OR2G6: variants seen among roughly 807,000 people sequenced by gnomAD.
The protein encoded by OR2G6 is olfactory receptor 2G6.
For synonymous variants in OR2G6, 183 were observed against 155.2 expected (o/e 1.18, Z -1.33); for missense variants, 457 against 391.3 (o/e 1.17, Z -1.42).
In OR2G6 at chr1:248,524,507, C is replaced by T. The variant is rs546602076; in HGVS notation, c.*1910C>T. 1 of 152,298 alleles carries T rather than the reference C, an allele frequency of 6.6e-6. No individual in the cohort carries two copies. Among genetic ancestry groups the T allele is most frequent in the African/African-American group, 2.4e-5 (1 of 41,564 alleles). The allele number at this position is 152,298 out of a possible 1,614,324, so 9.4% of individuals were successfully genotyped here. A position where few individuals can be genotyped will look rare whatever the true frequency, so the allele number is the denominator to read the frequency against. On this transcript the variant is annotated 3_prime_UTR_variant, in exon 2 of 2. Transcript: ENST00000641804. Reference sequence around the variant, plus strand: ...TGTACAAATGCATTATTCCTGATAACCCGAGCAACACAGCATAGGAAAGAA... The same window carrying T: ...TGTACAAATGCATTATTCCTGATAATCCGAGCAACACAGCATAGGAAAGAA...
Position 248,521,597 on chromosome 1 carries a change from T to A in OR2G6, c.-36-14T>A. 7.6e-7 allele frequency: 1 copy of A among 1,321,476 alleles called. No homozygotes were observed. Among genetic ancestry groups the A allele is most frequent in the Non-Finnish European group, 1.1e-6 (1 of 938,514 alleles). The allele number at this position is 1,321,476 out of a possible 1,614,324, so 81.9% of individuals were successfully genotyped here. On this transcript the variant is annotated splice_polypyrimidine_tract_variant and intron_variant, in intron 1 of 1. Coordinates refer to ENST00000641804, the MANE Select transcript of OR2G6 (RefSeq NM_001013355.2). ...GACCTCATTACTTTCTATCCCCAAA[T>A]ATTAATCACTTAGTATTTGAAGCTG... is the stretch of plus-strand genomic sequence containing the variant.
At position 248,521,994 on chromosome 1, in the gene OR2G6, C is replaced by A. The variant is rs376681900; in HGVS notation, c.348C>A (p.Ala116=). Residue 116 remains alanine (A), a synonymous_variant, in exon 2 of 2, where the codon GCC becomes GCA. Coordinates refer to ENST00000641804, the MANE Select transcript of OR2G6 (RefSeq NM_001013355.2). ...GCTCGTCTGAGTGTATTCTCTTGGCCGTCATGGCTTATGACCGCTATGCTG... is the reference window on the plus strand; with the variant it reads ...GCTCGTCTGAGTGTATTCTCTTGGCAGTCATGGCTTATGACCGCTATGCTG... ...GLGSSECILL[A]VMAYDRYAAV... The A allele has an allele frequency of 5.4e-5, 87 of 1,614,016 alleles. No homozygotes were observed. The highest frequency in any genetic ancestry group is 6.9e-5 in the Non-Finnish European group (82 of 1,180,016).
In OR2G6 at chr1:248,524,591, G is replaced by A. The variant is rs1343261211; in HGVS notation, c.*1994G>A. 1 of 152,196 alleles carries A rather than the reference G, an allele frequency of 6.6e-6. No individual in the cohort carries two copies. The highest frequency in any genetic ancestry group is 1.5e-5 in the Non-Finnish European group (1 of 68,038). The allele number at this position is 152,196 out of a possible 1,614,324, so 9.4% of individuals were successfully genotyped here. On this transcript the variant is annotated 3_prime_UTR_variant, in exon 2 of 2. Coordinates refer to ENST00000641804, the MANE Select transcript of OR2G6 (RefSeq NM_001013355.2). Reference sequence around the variant, plus strand: ...GGAATATGGCCCCAGGGCAAAAGATGTGGCATTTAAAGGAAAGAAATAGCT... The same window carrying A: ...GGAATATGGCCCCAGGGCAAAAGATATGGCATTTAAAGGAAAGAAATAGCT...
At chr1:248,508,857 A>AG (rs1558369946) in intron 1 of OR2G6, among the ~76,000 whole-genome samples, 1 of 114,336 alleles carries the variant, frequency 8.7e-6, no homozygotes, top group Non-Finnish European at 1.7e-5. Flanking sequence ...TTTAAAAACA[A>AG]GGGAAGGAAA....
chr1:248,520,747 G>A (rs573968601), intron 1 of OR2G6, among the ~76,000 whole-genome samples: 177 of 151,892 alleles, frequency 1.2e-3, no homozygotes, highest in African/African-American at 3.7e-3. Context: ...AGTGGCTCAC[G>A]CCTATAATCC....
In OR2G6 at chr1:248,522,596, AGGAAACACCTGGAATTCTAAACAAG is replaced by A. The variant is rs1258903719; in HGVS notation, c.*10_*34del. 6 of 1,590,540 alleles carry A rather than the reference AGGAAACACCTGGAATTCTAAACAAG, an allele frequency of 3.8e-6. No individual in the cohort carries two copies. Among genetic ancestry groups the A allele is most frequent in the African/African-American group, 1.4e-5 (1 of 73,710 alleles). On this transcript the variant is annotated stop_retained_variant and 3_prime_UTR_variant, in exon 2 of 2. Coordinates refer to ENST00000641804, the MANE Select transcript of OR2G6 (RefSeq NM_001013355.2). Reference sequence around the variant, plus strand: ...GCTGCTGGACAAAGCCACAAGGACTAGGAAACACCTGGAATTCTAAACAAGGGAAACACCTCAAGGCAGAGTGAGG... The same window carrying A: ...GCTGCTGGACAAAGCCACAAGGACTAGGAAACACCTCAAGGCAGAGTGAGG...
Position 248,522,605 on chromosome 1 carries a change from C to G in OR2G6, c.*8C>G. ...CAAAGCCACAAGGACTAGGAAACAC[C>G]TGGAATTCTAAACAAGGGAAACACC... On this transcript the variant is annotated 3_prime_UTR_variant, in exon 2 of 2. Coordinates refer to ENST00000641804, the MANE Select transcript of OR2G6 (RefSeq NM_001013355.2). 6.4e-7 allele frequency: 1 copy of G among 1,574,598 alleles called. No individual in the cohort carries two copies. The highest frequency in any genetic ancestry group is 8.6e-7 in the Non-Finnish European group (1 of 1,158,400).
At chr1:248,521,113 C>G (rs1558371656) in intron 1 of OR2G6, among the ~76,000 whole-genome samples, 1 of 148,964 alleles carries the variant, frequency 6.7e-6, no homozygotes, top group East Asian at 2.0e-4. Flanking sequence ...GTCTCAGCTA[C>G]TCTTGAGGCT....
intron 1 of OR2G6, among the ~76,000 whole-genome samples, chr1:248,520,092 C>T (rs1361270420): frequency 2.0e-5 from 3 of 152,144 alleles, no homozygotes; most frequent in Non-Finnish European, 4.4e-5. Context: ...TACTATGCAG[C>T]CATAGAAAAG....
Position 248,521,641 on chromosome 1 carries a change from G to T in OR2G6, c.-6G>T, listed in dbSNP as rs374004355. 10 of 1,606,428 alleles carry T rather than the reference G, an allele frequency of 6.2e-6. No individual in the cohort carries two copies. Among genetic ancestry groups the T allele is most frequent in the Admixed American group, 1.7e-5 (1 of 59,312 alleles). On this transcript the variant is annotated 5_prime_UTR_variant, in exon 2 of 2. It adds an upstream start codon to the 5' untranslated region. Transcript: ENST00000641804. ...GAAGCTGAAGAGTCCTGAAGCTGCA[G>T]GAAAAATGGAGGAAACCAACAACAG...
rs1215136529 is a variant in OR2G6, at chr1:248,522,602, C to T, written c.*5C>T. 19 of 1,579,326 alleles carry T rather than the reference C, an allele frequency of 1.2e-5. No homozygotes were observed. The highest frequency in any genetic ancestry group is 1.5e-5 in the Non-Finnish European group (18 of 1,161,400). ...GGACAAAGCCACAAGGACTAGGAAA[C>T]ACCTGGAATTCTAAACAAGGGAAAC... On this transcript the variant is annotated 3_prime_UTR_variant, in exon 2 of 2. Transcript: ENST00000641804.
chr1:248,521,795 G>T lies in OR2G6; in HGVS notation c.149G>T (p.Cys50Phe), dbSNP rs373197039. 3.7e-6 allele frequency: 6 copies of T among 1,614,050 alleles called. No individual in the cohort carries two copies. In the Admixed American group the frequency reaches 1.0e-4, roughly 27 times the overall value. The part of the protein sequence containing the change: ...LGNTALILVC[C>F]LDSRLHTPMY... ...AACACTGCCCTCATACTAGTATGTT[G>T]TCTGGACTCCAGACTCCACACTCCA... Residue 50 changes from cysteine to phenylalanine, a missense_variant, in exon 2 of 2, where the codon TGT becomes TTT. By Grantham distance (205) the Cys-to-Phe change is radical. Transcript: ENST00000641804.
Position 248,524,637 on chromosome 1 carries a change from G to C in OR2G6, c.*2040G>C, listed in dbSNP as rs745975126. 10 of 152,152 alleles carry C rather than the reference G, an allele frequency of 6.6e-5. No individual in the cohort carries two copies. Among genetic ancestry groups the C allele is most frequent in the Admixed American group, 1.3e-4 (2 of 15,272 alleles). The allele number at this position is 152,152 out of a possible 1,614,324, so 9.4% of individuals were successfully genotyped here. A position where few individuals can be genotyped will look rare whatever the true frequency, so the allele number is the denominator to read the frequency against. On this transcript the variant is annotated 3_prime_UTR_variant, in exon 2 of 2. Transcript: ENST00000641804. ...TAGCTCCAGGTGAAAAGACAACCAT[G>C]TGTAAAGCAATGATATGAACACAAT...
intron 1 of OR2G6, among the ~76,000 whole-genome samples, chr1:248,521,231 TATATTTGTATAC>T (rs1168605548): frequency 6.6e-6 from 1 of 151,854 alleles, no homozygotes; most frequent in East Asian, 1.9e-4. Flanking sequence ...AAAAAATATA[TATATTTGTATAC>T]ATATAACAAA....
At position 248,525,227 on chromosome 1, in the gene OR2G6, T is replaced by G. The variant is rs1032123295; in HGVS notation, c.*2630T>G. 3.3e-5 allele frequency: 5 copies of G among 152,158 alleles called. No homozygotes were observed. The highest frequency in any genetic ancestry group is 1.2e-4 in the African/African-American group (5 of 41,438). The allele number at this position is 152,158 out of a possible 1,614,324, so 9.4% of individuals were successfully genotyped here. On this transcript the variant is annotated 3_prime_UTR_variant, in exon 2 of 2. Coordinates refer to ENST00000641804, the MANE Select transcript of OR2G6 (RefSeq NM_001013355.2). ...ATAATTATGTACTTATAATGTATTT[T>G]ATAAATACAATTAGTAAATCTAAAA...
intron 1 of OR2G6, among the ~76,000 whole-genome samples, chr1:248,520,509 A>C (rs1664261170): frequency 6.6e-6 from 1 of 151,954 alleles, no homozygotes; most frequent in African/African-American, 2.4e-5. Context: ...TCATTTTACA[A>C]ATTCTCCCTT....
chr1:248,524,126 A>G lies in OR2G6; in HGVS notation c.*1529A>G, dbSNP rs1388789960. The G allele has an allele frequency of 6.6e-6, 1 of 152,122 alleles. No homozygotes were observed. The highest frequency in any genetic ancestry group is 1.5e-5 in the Non-Finnish European group (1 of 68,046). The allele number at this position is 152,122 out of a possible 1,614,324, so 9.4% of individuals were successfully genotyped here. A position where few individuals can be genotyped will look rare whatever the true frequency, so the allele number is the denominator to read the frequency against. ...TGTAGCCTGTCTACGAATGTTAAGG[A>G]TAACGTTTGGACCTGCCTCTCCTAC... On this transcript the variant is annotated 3_prime_UTR_variant, in exon 2 of 2. Coordinates refer to ENST00000641804, the MANE Select transcript of OR2G6 (RefSeq NM_001013355.2).
Position 248,524,131 on chromosome 1 carries a change from G to T in OR2G6, c.*1534G>T, listed in dbSNP as rs933573705. The T allele has an allele frequency of 6.6e-6, 1 of 152,104 alleles. No individual in the cohort carries two copies. The highest frequency in any genetic ancestry group is 1.5e-5 in the Non-Finnish European group (1 of 68,050). The allele number at this position is 152,104 out of a possible 1,614,324, so 9.4% of individuals were successfully genotyped here. On this transcript the variant is annotated 3_prime_UTR_variant, in exon 2 of 2. Transcript: ENST00000641804. Reference sequence around the variant, plus strand: ...CCTGTCTACGAATGTTAAGGATAACGTTTGGACCTGCCTCTCCTACCAAAG... The same window carrying T: ...CCTGTCTACGAATGTTAAGGATAACTTTTGGACCTGCCTCTCCTACCAAAG...
rs1164830374 is a variant in OR2G6, at chr1:248,522,066, C to T, written c.420C>T (p.Phe140=). The T allele has an allele frequency of 6.2e-7, 1 of 1,614,180 alleles. No homozygotes were observed. Among genetic ancestry groups the T allele is most frequent in the Admixed American group, 1.7e-5 (1 of 60,018 alleles). ...LRYIAIMHPR[F]CASLAGGAWL... ...ACATAGCCATTATGCACCCCAGGTT[C>T]TGTGCGTCTCTGGCCGGTGGAGCAT... is the stretch of plus-strand genomic sequence containing the variant. The change falls in exon 2 of 2, where the codon TTC becomes TTT. Residue 140 remains phenylalanine (F), a synonymous_variant. Coordinates refer to ENST00000641804, the MANE Select transcript of OR2G6 (RefSeq NM_001013355.2).
Sources: gnomAD v4.1 joint callset for allele counts (sites outside exome capture counted in the v4.1 genomes callset) on GRCh38, gnomAD v4.1.1 for gene constraint, MANE v1.5 for transcripts, NCBI Gene and HGNC (gene_info 2026-07-23, HGNC 2026-07-21) for gene names.